The following PNLDC1 variants were observed in gnomAD, a reference collection of about 807,000 sequenced individuals.
The protein encoded by PNLDC1 is PARN like ribonuclease domain containing exonuclease 1.
In PNLDC1, 70 loss-of-function variants were observed where a neutral mutation model predicts 82.0. The observed-to-expected ratio is 0.85, with a 90% CI of 0.70 to 1.04. PNLDC1 has a LOEUF of 1.04. Among genes scored for constraint, PNLDC1 ranks in the 50% least tolerant of loss-of-function variants. The probability of loss-of-function intolerance (pLI) is 0.00; values close to 1 mark genes in which losing one functional copy is unlikely to be tolerated. For synonymous variants in PNLDC1, 280 were observed against 249.3 expected (o/e 1.12, Z -1.16); for missense variants, 631 against 661.1 (o/e 0.95, Z 0.50).
rs144721477 is a variant in PNLDC1, at chr6:159,818,739, G to GA, written c.1257+86dup. 2,202 of 1,390,198 alleles carry GA rather than the reference G, an allele frequency of 1.6e-3. 4 individuals carry two copies. Among genetic ancestry groups the GA allele is most frequent in the Admixed American group, 2.1e-3 (116 of 56,514 alleles). 86.1% of individuals were successfully genotyped at this position (1,390,198 alleles called of 1,614,324 possible). A position where few individuals can be genotyped will look rare whatever the true frequency, so the allele number is the denominator to read the frequency against. ...GCGGCCAGTGCTCTCTGGGACTCGT[G>GA]AGAGGGATTTCGGTGGTCGGTGAGA... On this transcript the variant is annotated intron_variant, in intron 16 of 18. Coordinates refer to ENST00000392167, the MANE Select transcript of PNLDC1 (RefSeq NM_001271862.2).
At chr6:159,813,089 A>G (rs1018272778) in intron 11 of PNLDC1, among the ~76,000 whole-genome samples, 5 of 152,220 alleles carry the variant, frequency 3.3e-5, no homozygotes, top group Non-Finnish European at 5.9e-5. Flanking sequence ...GTGAAGCCTT[A>G]GAGTGATCCC....
intron 7 of PNLDC1, among the ~76,000 whole-genome samples, chr6:159,806,879 A>G (rs902212981): frequency 6.1e-5 from 9 of 146,550 alleles, no homozygotes; most frequent in African/African-American, 2.0e-4. Context: ...TGAGAGCTGA[A>G]TTAGCTGCCT....
At chr6:159,803,442 C>T in intron 4 of PNLDC1, 132 bp downstream of exon 4, 1 of 753,768 alleles carries the variant, frequency 1.3e-6, no homozygotes, top group East Asian at 2.6e-5. Context: ...GTGTCTGTTC[C>T]TCCACTCACT....
Position 159,803,255 on chromosome 6 carries a change from A to G in PNLDC1, c.209-16A>G. ...CTTTTCCTTGGCATTCATTCCCTCTACGGTCATTCTTCCAGGATTGTCTGT... is the reference window on the plus strand; with the variant it reads ...CTTTTCCTTGGCATTCATTCCCTCTGCGGTCATTCTTCCAGGATTGTCTGT... On this transcript the variant is annotated splice_polypyrimidine_tract_variant and intron_variant, in intron 3 of 18. Coordinates refer to ENST00000392167, the MANE Select transcript of PNLDC1 (RefSeq NM_001271862.2). 3.1e-6 allele frequency: 5 copies of G among 1,613,712 alleles called. No homozygotes were observed. Among genetic ancestry groups the G allele is most frequent in the African/African-American group, 1.3e-5 (1 of 74,976 alleles).
intron 6 of PNLDC1, 153 bp from the exon 7 acceptor site, chr6:159,805,830 C>G (rs1781427354): frequency 1.6e-6 from 1 of 629,948 alleles, no homozygotes; most frequent in Non-Finnish European, 2.9e-6. Context: ...TGCATAAGAG[C>G]CTCAGAGAAG....
Position 159,817,119 on chromosome 6 carries a change from A to G in PNLDC1, c.1125A>G (p.Lys375=), listed in dbSNP as rs750691148. 2.5e-6 allele frequency: 4 copies of G among 1,612,294 alleles called. No individual in the cohort carries two copies. The African/African-American group carries it at 5.3e-5, about 22-fold the overall frequency. ...TTTTTTCCTTCCTAGTTCTTTTGAA[A>G]GTGGCACACTTGCTTCTACAGAAGA... ...DAFLCGSVLL[K]VAHLLLQKIY... Residue 375 remains lysine, a synonymous_variant, in exon 15 of 19, where the codon AAA becomes AAG. Coordinates refer to ENST00000392167, the MANE Select transcript of PNLDC1 (RefSeq NM_001271862.2).
At chr6:159,814,398 C>T (rs1200626873) in intron 12 of PNLDC1, among the ~76,000 whole-genome samples, 1 of 152,188 alleles carries the variant, frequency 6.6e-6, no homozygotes, top group African/African-American at 2.4e-5. Flanking sequence ...TTCCTAGGCT[C>T]CCATGTGGCC....
intron 1 of PNLDC1, 121 bp downstream of exon 1, chr6:159,800,504 A>G: frequency 7.6e-7 from 1 of 1,317,868 alleles, no homozygotes; most frequent in Non-Finnish European, 1.0e-6. Context: ...CGGGAAGGAC[A>G]GGGGGGCTTC....
chr6:159,800,853 C>T (rs150626766), intron 2 of PNLDC1, 24 bp downstream of exon 2: 5 of 1,614,016 alleles, frequency 3.1e-6, no homozygotes, highest in Admixed American at 1.7e-5. Flanking sequence ...TGTGTCCCCT[C>T]TGTATAAGAG....
chr6:159,813,634 G>C lies in PNLDC1; in HGVS notation c.973G>C (p.Glu325Gln). 1 of 1,613,866 alleles carries C rather than the reference G, an allele frequency of 6.2e-7. No homozygotes were observed. The highest frequency in any genetic ancestry group is 8.5e-7 in the Non-Finnish European group (1 of 1,179,788). The change falls in exon 12 of 19, where the codon GAA (glutamate) becomes CAA (glutamine). Residue 325 changes from glutamate to glutamine, a missense_variant. Physicochemically the swap from Glu to Gln is conservative, Grantham distance 29. Transcript: ENST00000392167. ...TTTCCCGAGGGTGTCGAATCTTTCG[G>C]AAGTCTATGAAGTCCTGAACAGGTG... The part of the protein sequence containing the change: ...MNFPRVSNLS[E>Q]VYEVLNSDLN...
At chr6:159,812,956 G>A (rs1183477508) in intron 11 of PNLDC1, among the ~76,000 whole-genome samples, 2 of 152,162 alleles carry the variant, frequency 1.3e-5, no homozygotes, top group East Asian at 1.9e-4. Context: ...CCCGGGAAGT[G>A]GAGATTGCAG....
At chr6:159,802,922 T>C (rs2115025951) in intron 3 of PNLDC1, among the ~76,000 whole-genome samples, 1 of 152,168 alleles carries the variant, frequency 6.6e-6, no homozygotes, top group African/African-American at 2.4e-5. Context: ...ATGGTTTTCT[T>C]TGAGGGGGGA....
At chr6:159,799,975 C>CT (rs1281320050), upstream of PNLDC1, among the ~76,000 whole-genome samples, 15 of 152,190 alleles carry the variant, frequency 9.9e-5, no homozygotes, top group South Asian at 2.1e-4. Flanking sequence ...TTTCTGGACT[C>CT]TGTCTTCGTC....
intron 15 of PNLDC1, among the ~76,000 whole-genome samples, chr6:159,817,893 G>A (rs1445788156): frequency 6.6e-6 from 1 of 152,202 alleles, no homozygotes; most frequent in Admixed American, 6.5e-5. Context: ...AAAGTTCTGT[G>A]ACACACGGAT....
At chr6:159,815,944 T>C (rs7739963) in intron 12 of PNLDC1, 25 bp from the exon 13 acceptor site, 483,669 of 1,590,112 alleles carry the variant, frequency 0.3, 75,557 homozygotes, top group Middle Eastern at 0.43. Context: ...AAATTGTTTT[T>C]TATTCTATTT....
At chr6:159,803,916 GTTTTT>G in intron 4 of PNLDC1, 44 bp from the exon 5 acceptor site, 2 of 1,575,016 alleles carry the variant, frequency 1.3e-6, no homozygotes, top group South Asian at 2.4e-5. Context: ...GGGAGCCAGA[GTTTTT>G]TAAATGGTTG....
At chr6:159,814,840 T>A (rs954680594) in intron 12 of PNLDC1, among the ~76,000 whole-genome samples, 10 of 152,078 alleles carry the variant, frequency 6.6e-5, no homozygotes, top group African/African-American at 2.4e-4. Context: ...ATTAAATGAG[T>A]TTGTAGATGT....
At chr6:159,815,903 A>AG in intron 12 of PNLDC1, 66 bp from the exon 13 acceptor site, 1 of 1,239,890 alleles carries the variant, frequency 8.1e-7, no homozygotes, top group Non-Finnish European at 1.2e-6. Context: ...TAAGGGACTG[A>AG]GGGGGAATAC....
chr6:159,803,226 G>T (rs759450260), intron 3 of PNLDC1, 45 bp from the exon 4 acceptor site: 1 of 1,597,526 alleles, frequency 6.3e-7, no homozygotes, highest in African/African-American at 1.3e-5. Flanking sequence ...TGAAATTCAG[G>T]TTGCTTTTCC....
Sources: allele counts gnomAD v4.1 joint callset (sites outside exome capture counted in the v4.1 genomes callset), GRCh38; gene constraint gnomAD v4.1.1; transcripts MANE v1.5; gene names NCBI Gene and HGNC (gene_info 2026-07-23, HGNC 2026-07-21).